The following UQCR11 variants were observed in gnomAD, a reference collection of about 807,000 sequenced individuals.
UQCR11 encodes the protein cytochrome b-c1 complex subunit 10.
A neutral mutation model predicts 7.6 loss-of-function variants in UQCR11; 10 were observed. The observed-to-expected ratio is 1.31, with a 90% confidence interval of 0.81 to 2.22. UQCR11 has a LOEUF of 2.22. UQCR11 is among the 30% of genes most tolerant of loss of function. UQCR11 has a pLI of 0.00. For synonymous variants in UQCR11, 34 were observed against 34.9 expected, an observed-to-expected ratio of 0.97 and a Z score of 0.09; for missense variants, 86 against 75.1, an observed-to-expected ratio of 1.15 and a Z score of -0.54.
At position 1,605,381 on chromosome 19, in the gene UQCR11, T is replaced by A. The variant is rs912121228; in HGVS notation, c.29A>T (p.Tyr10Phe). 1 of 1,577,458 alleles carries A rather than the reference T, an allele frequency of 6.3e-7. No individual in the cohort carries two copies. Among genetic ancestry groups the A allele is most frequent in the Non-Finnish European group, 8.6e-7 (1 of 1,166,862 alleles). The change falls in exon 1 of 3, where the codon TAC (tyrosine) becomes TTC (phenylalanine). Residue 10 changes from tyrosine to phenylalanine, a missense_variant. Transcript: ENST00000591899. ...TCACCAGTTCTTGACCAGCTCCCGG[T>A]AGCGTGGGCCCAGGAACCGGGTCAC... is the stretch of plus-strand genomic sequence containing the variant. Reference protein sequence around the residue: MVTRFLGPRYRELVKNWVPT... With the variant: MVTRFLGPRFRELVKNWVPT...
At chr19:1,603,297 A>G (rs764693358) in intron 1 of UQCR11, among the ~76,000 whole-genome samples, 2 of 152,110 alleles carry the variant, frequency 1.3e-5, no homozygotes, top group Non-Finnish European at 2.9e-5. Context: ...TCCCTAACAC[A>G]TAGTAGGTGC....
At chr19:1,599,206 C>T (rs1223353696) in intron 2 of UQCR11, 2 of 585,464 alleles carry the variant, frequency 3.4e-6, no homozygotes, top group East Asian at 3.4e-5. Context: ...ACCCCAATCA[C>T]ACAACCCAAG....
In UQCR11 at chr19:1,598,057, A is replaced by C. The variant is rs1359803962; in HGVS notation, c.*187T>G. The C allele has an allele frequency of 6.6e-6, 1 of 152,252 alleles. No individual in the cohort carries two copies. The highest frequency in any genetic ancestry group is 6.5e-5 in the Admixed American group (1 of 15,278). The allele number at this position is 152,252 out of a possible 1,614,324, so 9.4% of individuals were successfully genotyped here. On this transcript the variant is annotated 3_prime_UTR_variant, in exon 3 of 3. Coordinates refer to ENST00000591899, the MANE Select transcript of UQCR11 (RefSeq NM_006830.4). ...AACATCCGGGCACGGAGCAGGTTTC[A>C]GTGAGGTTTAATGCAACGTGCATTA...
intron 1 of UQCR11, 32 bp downstream of exon 1, chr19:1,605,328 G>A (rs1302381281): frequency 1.9e-6 from 3 of 1,556,000 alleles, no homozygotes; most frequent in Non-Finnish European, 2.6e-6. Context: ...CGAGGCGGGA[G>A]CGCGGATGGG....
chr19:1,598,555 A>G (rs2060737965), intron 2 of UQCR11, among the ~76,000 whole-genome samples: 1 of 152,034 alleles, frequency 6.6e-6, no homozygotes, highest in Admixed American at 6.6e-5. Context: ...AAAAAAAAAA[A>G]AAAAAATTAG....
Position 1,605,428 on chromosome 19 carries a change from T to G in UQCR11, c.-19A>C, listed in dbSNP as rs769771328. ...TCACCATCGCGGCGGAGTCGCACCCTCAGGATGACCCTGTCCAGCTGACCC... is the reference window on the plus strand; with the variant it reads ...TCACCATCGCGGCGGAGTCGCACCCGCAGGATGACCCTGTCCAGCTGACCC... On this transcript the variant is annotated 5_prime_UTR_variant, in exon 1 of 3. Coordinates refer to ENST00000591899, the MANE Select transcript of UQCR11 (RefSeq NM_006830.4). The G allele has an allele frequency of 7.4e-7, 1 of 1,348,638 alleles. No homozygotes were observed. 83.5% of individuals were successfully genotyped at this position (1,348,638 alleles called of 1,614,324 possible). A position where few individuals can be genotyped will look rare whatever the true frequency, so the allele number is the denominator to read the frequency against.
At chr19:1,602,474 T>C (rs1361792248) in intron 1 of UQCR11, 1 of 152,034 alleles carries the variant, frequency 6.6e-6, no homozygotes, top group Non-Finnish European at 1.5e-5. Flanking sequence ...TATTTTGAGA[T>C]AGAATCTCGC....
At chr19:1,604,702 A>AT (rs2060756616) in intron 1 of UQCR11, among the ~76,000 whole-genome samples, 1 of 151,066 alleles carries the variant, frequency 6.6e-6, no homozygotes, top group African/African-American at 2.4e-5. Context: ...TAATTTTTGC[A>AT]TTTTTAGTAG....
rs145090841 is a variant in UQCR11, at chr19:1,603,108, C to T, written c.50+2252G>A. Reference sequence around the variant, plus strand: ...CTGGGGATGAGACCCGCTCCCTAGCCTCCCAAAGCCACTGCCTGGTGGCAC... The same window carrying T: ...CTGGGGATGAGACCCGCTCCCTAGCTTCCCAAAGCCACTGCCTGGTGGCAC... On this transcript the variant is annotated intron_variant, in intron 1 of 2. Coordinates refer to ENST00000591899, the MANE Select transcript of UQCR11 (RefSeq NM_006830.4). Among the ~76,000 whole-genome samples the T allele has an allele frequency of 3.3e-4, 50 of 152,330 alleles. No individual in the cohort carries two copies. The East Asian group carries it at 8.9e-3, about 27-fold the overall frequency.
intron 1 of UQCR11, among the ~76,000 whole-genome samples, chr19:1,602,762 A>G (rs1189117126): frequency 2.0e-5 from 3 of 152,000 alleles, no homozygotes. Context: ...CTGGGTTATT[A>G]ATCACCAGAG....
intron 1 of UQCR11, among the ~76,000 whole-genome samples, chr19:1,602,654 G>GT (rs1196653185): frequency 6.6e-6 from 1 of 152,080 alleles, no homozygotes; most frequent in Non-Finnish European, 1.5e-5. Flanking sequence ...GTTTCACCTT[G>GT]TTGGCCAGGC....
chr19:1,599,844 C>A (rs2060742039), intron 1 of UQCR11, among the ~76,000 whole-genome samples: 1 of 152,250 alleles, frequency 6.6e-6, no homozygotes. Flanking sequence ...AAGTTTGCAA[C>A]CACCATGATG....
Position 1,599,572 on chromosome 19 carries a change from G to A in UQCR11, c.51-12C>T. 3 of 1,606,522 alleles carry A rather than the reference G, an allele frequency of 1.9e-6. No individual in the cohort carries two copies. The highest frequency in any genetic ancestry group is 2.5e-6 in the Non-Finnish European group (3 of 1,179,896). On this transcript the variant is annotated splice_polypyrimidine_tract_variant and intron_variant, in intron 1 of 2. Transcript: ENST00000591899. ...AGGCCGTCGGGACCCTGCGAGAGGA[G>A]AGGGGATGGTCAGGCCTGCTCTGGA...
chr19:1,603,816 C>T (rs151110557), intron 1 of UQCR11, among the ~76,000 whole-genome samples: 92 of 152,294 alleles, frequency 6.0e-4, no homozygotes, highest in Middle Eastern at 6.8e-3. Flanking sequence ...AAAACGCCAC[C>T]GGCACCATCA....
chr19:1,603,326 G>T, intron 1 of UQCR11, among the ~76,000 whole-genome samples: 1 of 152,222 alleles, frequency 6.6e-6, no homozygotes. Flanking sequence ...TGTTGGGCTG[G>T]GCGCAGTGGC....
At chr19:1,599,782 G>A (rs2060741866) in intron 1 of UQCR11, among the ~76,000 whole-genome samples, 1 of 152,274 alleles carries the variant, frequency 6.6e-6, no homozygotes, top group Non-Finnish European at 1.5e-5. Flanking sequence ...GGCTGCTGGG[G>A]TGGGAGTGGA....
chr19:1,599,563 G>A lies in UQCR11; in HGVS notation c.51-3C>T, dbSNP rs1402755010. The A allele has an allele frequency of 1.2e-6, 2 of 1,608,090 alleles. No individual in the cohort carries two copies. The highest frequency in any genetic ancestry group is 1.7e-6 in the Non-Finnish European group (2 of 1,179,930). ...CCCATGTGTAGGCCGTCGGGACCCT[G>A]CGAGAGGAGAGGGGATGGTCAGGCC... On this transcript the variant is annotated splice_polypyrimidine_tract_variant and splice_region_variant and intron_variant, in intron 1 of 2. Transcript: ENST00000591899.
intron 1 of UQCR11, among the ~76,000 whole-genome samples, chr19:1,603,669 G>A (rs941850379): frequency 1.3e-5 from 2 of 152,144 alleles, no homozygotes; most frequent in African/African-American, 2.4e-5. Context: ...CACGGATGAC[G>A]GGTGGTCCCC....
intron 1 of UQCR11, chr19:1,602,175 A>T (rs946045346): frequency 6.6e-6 from 1 of 152,118 alleles, no homozygotes; most frequent in Non-Finnish European, 1.5e-5. Context: ...AAAAAAAAAA[A>T]TCCGATTCAC....
Sources: allele counts gnomAD v4.1 joint callset (sites outside exome capture counted in the v4.1 genomes callset), GRCh38; gene constraint gnomAD v4.1.1; transcripts MANE v1.5; gene names NCBI Gene and HGNC (gene_info 2026-07-23, HGNC 2026-07-21).